Variants in FILIP1L observed in about 807,000 individuals in gnomAD.
FILIP1L encodes the protein filamin A interacting protein 1 like.
In FILIP1L, 55 loss-of-function variants were observed where a neutral mutation model predicts 96.6. That is an observed-to-expected ratio of 0.57 (90% CI 0.46 to 0.71). The LOEUF is 0.71. FILIP1L is among the 30% of genes least tolerant of loss of function. FILIP1L has a pLI of 0.00. For missense variants in FILIP1L, 1,304 were observed against 1,321.2 expected, an observed-to-expected ratio of 0.99 and a Z score of 0.20; for synonymous variants, 467 against 473.9, an observed-to-expected ratio of 0.99 and a Z score of 0.19.
chr3:100,068,165 T>TA (rs1374248550), intron 1 of FILIP1L, among the ~76,000 whole-genome samples: 13 of 152,212 alleles, frequency 8.5e-5, no homozygotes, highest in African/African-American at 3.1e-4. Context: ...GAAATACCAT[T>TA]GTTTGCATGT....
At chr3:99,905,610 A>C (rs576004378) in intron 4 of FILIP1L, among the ~76,000 whole-genome samples, 49 of 152,328 alleles carry the variant, frequency 3.2e-4, no homozygotes, top group African/African-American at 1.2e-3. Context: ...ACACTTTTAC[A>C]TATGTGTGTA....
Position 100,014,899 on chromosome 3 carries a change from T to C in FILIP1L, c.-10-83869A>G, listed in dbSNP as rs201240452. On this transcript the variant is annotated intron_variant, in intron 1 of 5. Coordinates refer to ENST00000477258, the MANE Select transcript of FILIP1L (RefSeq NM_001387850.1). ...CTTTTTTTTTTTTCTTTCTTTCTTT[T>C]TTTTTTTTTTTTTTTTTTTGCCCCT... 2.5e-3 allele frequency among the ~76,000 whole-genome samples: 238 copies of C among 95,820 alleles called. 1 individual carries two copies. The highest frequency in any genetic ancestry group is 4.7e-3 in the Middle Eastern group (1 of 214). 62.9% of individuals were successfully genotyped at this position (95,820 alleles called of 152,430 possible).
At chr3:100,054,386 G>A (rs2065424869) in intron 1 of FILIP1L, among the ~76,000 whole-genome samples, 1 of 152,172 alleles carries the variant, frequency 6.6e-6, no homozygotes. Flanking sequence ...CATTCTTGTA[G>A]CTGGCCAGAG....
At chr3:100,023,279 G>A (rs2064858294) in intron 1 of FILIP1L, 1 of 152,536 alleles carries the variant, frequency 6.6e-6, no homozygotes, top group African/African-American at 2.4e-5. Context: ...CATAGTGCTT[G>A]TCAAAATGCT....
In FILIP1L at chr3:99,913,609, A is replaced by ATT. The variant is rs1706862076; in HGVS notation, c.605+10620_605+10621insAA. Among the ~76,000 whole-genome samples the ATT allele has an allele frequency of 3.3e-5, 5 of 152,224 alleles. No individual in the cohort carries two copies. The South Asian group carries it at 1.0e-3, about 31-fold the overall frequency. On this transcript the variant is annotated intron_variant, in intron 4 of 5. Transcript: ENST00000477258. ...GCAACCACTTAAAAAAAGAATAGAAAAAGTATTGTATGATCTTCATGAATT... is the reference window on the plus strand; with the variant it reads ...GCAACCACTTAAAAAAAGAATAGAAATTAAGTATTGTATGATCTTCATGAATT...
intron 1 of FILIP1L, among the ~76,000 whole-genome samples, chr3:100,027,438 C>T (rs568819400): frequency 6.6e-6 from 1 of 152,192 alleles, no homozygotes; most frequent in African/African-American, 2.4e-5. Flanking sequence ...CTTCTTTTGG[C>T]CTAGAGTCAA....
chr3:99,859,936 G>C (rs1008154899), intron 4 of FILIP1L, among the ~76,000 whole-genome samples: 1 of 152,062 alleles, frequency 6.6e-6, no homozygotes, highest in African/African-American at 2.4e-5. Flanking sequence ...CAAGTCAAAG[G>C]TTTTCTAAAA....
chr3:100,056,725 C>T (rs975975016), intron 1 of FILIP1L, among the ~76,000 whole-genome samples: 18 of 151,146 alleles, frequency 1.2e-4, no homozygotes, highest in Non-Finnish European at 1.6e-4. Context: ...TGGGGCCGGG[C>T]GCGGTGGCTC....
chr3:99,842,839 G>C (rs1483228582), intron 5 of FILIP1L, among the ~76,000 whole-genome samples: 3 of 152,176 alleles, frequency 2.0e-5, no homozygotes, highest in African/African-American at 7.2e-5. Flanking sequence ...CATGTAAATG[G>C]TGTTAATTCA....
At chr3:99,967,042 G>C (rs1425217983) in intron 1 of FILIP1L, among the ~76,000 whole-genome samples, 1 of 152,168 alleles carries the variant, frequency 6.6e-6, no homozygotes, top group Non-Finnish European at 1.5e-5. Flanking sequence ...AATGATAAGA[G>C]AGGGAAAGGA....
At chr3:99,916,437 T>TACACACACACACACACACACACAC (rs10529210) in intron 4 of FILIP1L, among the ~76,000 whole-genome samples, 1 of 137,068 alleles carries the variant, frequency 7.3e-6, no homozygotes, top group Non-Finnish European at 1.6e-5. Flanking sequence ...TAACGGTTTA[T>TACACACACACACACACACACACAC]ACACACACAC....
At chr3:100,021,964 AGAGAGAGAG>A (rs2064832783) in intron 1 of FILIP1L, among the ~76,000 whole-genome samples, 1 of 98,616 alleles carries the variant, frequency 1.0e-5, no homozygotes, top group African/African-American at 3.8e-5. Context: ...TGTGTGTGAG[AGAGAGAGAG>A]AGAGAGAGAG....
At chr3:99,899,743 C>T (rs1327029925) in intron 4 of FILIP1L, among the ~76,000 whole-genome samples, 1 of 152,188 alleles carries the variant, frequency 6.6e-6, no homozygotes, top group Non-Finnish European at 1.5e-5. Flanking sequence ...TCTTAATGCA[C>T]ATTAACTCCC....
intron 5 of FILIP1L, among the ~76,000 whole-genome samples, chr3:99,846,994 A>C (rs1371239530): frequency 6.6e-6 from 1 of 152,192 alleles, no homozygotes; most frequent in Non-Finnish European, 1.5e-5. Flanking sequence ...AGAAGTATGG[A>C]TTATCCCCAG....
At chr3:100,049,475 G>A (rs972201827) in intron 1 of FILIP1L, among the ~76,000 whole-genome samples, 5 of 152,126 alleles carry the variant, frequency 3.3e-5, no homozygotes, top group Admixed American at 3.3e-4. Flanking sequence ...TCTTTTTATT[G>A]ATTGATCTAT....
At chr3:99,875,922 T>TTTTGAACCTAGAATTCATTGGATGCGC (rs1209920848) in intron 4 of FILIP1L, 9 of 387,774 alleles carry the variant, frequency 2.3e-5, no homozygotes, top group Non-Finnish European at 3.2e-5. Context: ...TTGGAAACGG[T>TTTTGAACCTAGAATTCATTGGATGCGC]TTTGAACCTA....
At chr3:99,978,393 T>C (rs1709028050) in intron 1 of FILIP1L, among the ~76,000 whole-genome samples, 1 of 152,146 alleles carries the variant, frequency 6.6e-6, no homozygotes, top group Non-Finnish European at 1.5e-5. Context: ...TAAGTGTTCA[T>C]CAATAGATGA....
intron 1 of FILIP1L, among the ~76,000 whole-genome samples, chr3:100,055,435 T>C (rs924008503): frequency 6.6e-6 from 1 of 152,214 alleles, no homozygotes; most frequent in Admixed American, 6.5e-5. Flanking sequence ...TATCACACTG[T>C]GACAATCACT....
At chr3:100,020,499 G>C (rs747867791) in intron 1 of FILIP1L, among the ~76,000 whole-genome samples, 1 of 152,152 alleles carries the variant, frequency 6.6e-6, no homozygotes, top group Non-Finnish European at 1.5e-5. Flanking sequence ...CGTTTTGAAG[G>C]CCTCAGGTAG....
Sources: gnomAD v4.1 joint callset for allele counts (sites outside exome capture counted in the v4.1 genomes callset) on GRCh38, gnomAD v4.1.1 for gene constraint, MANE v1.5 for transcripts, NCBI Gene and HGNC (gene_info 2026-07-23, HGNC 2026-07-21) for gene names.